Variants in TENM1 observed in about 807,000 individuals in gnomAD.
TENM1 encodes teneurin-1.
In TENM1, 35 loss-of-function variants were observed where a neutral mutation model predicts 174.8. The ratio of observed to expected loss-of-function variants is 0.20; its 90% CI spans 0.15 to 0.27. TENM1 has a LOEUF of 0.27. Among genes scored for constraint, TENM1 ranks in the 10% least tolerant of loss-of-function variants. TENM1 has a pLI of 1.00. For missense variants in TENM1, 1,633 were observed against 2,130.1 expected (o/e 0.77, Z 4.59); for synonymous variants, 781 against 798.7 (o/e 0.98, Z 0.37).
chrX:125,075,545 G>A, the TENM1 span, among the ~76,000 whole-genome samples: 1 of 111,045 alleles, frequency 9.0e-6, no homozygotes, highest in Non-Finnish European at 1.9e-5. Context: ...CATTTAAAAT[G>A]TACAATTTGG....
the TENM1 span, among the ~76,000 whole-genome samples, chrX:125,072,741 C>A: frequency 1.8e-5 from 2 of 111,186 alleles, no homozygotes; most frequent in Non-Finnish European, 3.8e-5. Flanking sequence ...AAAGAAATTG[C>A]AAGGCAGCAC....
At chrX:125,045,316 C>T in the TENM1 span, among the ~76,000 whole-genome samples, 1 of 111,059 alleles carries the variant, frequency 9.0e-6, no homozygotes, top group African/African-American at 3.3e-5. Context: ...GTGAATCAGG[C>T]TCCATAGCGT....
At chrX:125,034,088 C>T in the TENM1 span, among the ~76,000 whole-genome samples, 1 of 111,060 alleles carries the variant, frequency 9.0e-6, no homozygotes, top group Non-Finnish European at 1.9e-5. Flanking sequence ...AGCAACTTGC[C>T]AGAAGTCTCA....
At chrX:124,851,453 T>C (rs2056718416) in intron 3 of TENM1, among the ~76,000 whole-genome samples, 1 of 111,887 alleles carries the variant, frequency 8.9e-6, no homozygotes, top group Non-Finnish European at 1.9e-5. Flanking sequence ...GGGGCATGTA[T>C]GTGCATATGC....
exon 32 of TENM1, chrX:124,378,163 C>G (rs1398083859): frequency 8.9e-6 from 1 of 111,975 alleles, no homozygotes; most frequent in Non-Finnish European, 1.9e-5. Flanking sequence ...GTATTACAAA[C>G]TAGAAATGCA....
At chrX:125,138,459 T>A in the TENM1 span, among the ~76,000 whole-genome samples, 3 of 111,637 alleles carry the variant, frequency 2.7e-5, no homozygotes, top group Non-Finnish European at 5.7e-5. Context: ...CTTTCCTCAT[T>A]ACGTTGCCCT....
At chrX:125,102,494 CAA>C in the TENM1 span, among the ~76,000 whole-genome samples, 1 of 111,781 alleles carries the variant, frequency 8.9e-6, no homozygotes, top group East Asian at 2.8e-4. Flanking sequence ...TGTGGAAAGA[CAA>C]GTGCTATTTT....
chrX:124,736,247 T>A (rs2053668185), intron 4 of TENM1, among the ~76,000 whole-genome samples: 1 of 112,120 alleles, frequency 8.9e-6, no homozygotes, highest in Non-Finnish European at 1.9e-5. Flanking sequence ...TGACTAGAAA[T>A]GATGAATAAT....
intron 5 of TENM1, among the ~76,000 whole-genome samples, chrX:124,675,325 A>G (rs1050972625): frequency 2.7e-5 from 3 of 111,246 alleles, no homozygotes; most frequent in Non-Finnish European, 3.8e-5. Context: ...TAAACAACTA[A>G]TACAGTCTAA....
intron 4 of TENM1, among the ~76,000 whole-genome samples, chrX:124,719,024 A>T (rs984291742): frequency 9.0e-6 from 1 of 111,464 alleles, no homozygotes; most frequent in Non-Finnish European, 1.9e-5. Context: ...ATGTAACAAG[A>T]AATTATTCAG....
At chrX:124,869,846 G>T in intron 3 of TENM1, among the ~76,000 whole-genome samples, 1 of 109,376 alleles carries the variant, frequency 9.1e-6, no homozygotes, top group Non-Finnish European at 1.9e-5. Flanking sequence ...AGGGGGCTGT[G>T]GGGGGAGGTG....
chrX:124,561,238 T>C (rs1416057311), intron 14 of TENM1, among the ~76,000 whole-genome samples: 2 of 111,424 alleles, frequency 1.8e-5, no homozygotes, highest in African/African-American at 3.3e-5. Flanking sequence ...ATAAATGCCA[T>C]GGGTATGGGA....
the TENM1 span, among the ~76,000 whole-genome samples, chrX:125,003,522 A>T: frequency 8.9e-6 from 1 of 111,825 alleles, no homozygotes; most frequent in Non-Finnish European, 1.9e-5. Flanking sequence ...TTTATTTTCA[A>T]GATATAAGAT....
At chrX:124,966,981 C>A (rs2147830118), upstream of TENM1, among the ~76,000 whole-genome samples, 1 of 111,496 alleles carries the variant, frequency 9.0e-6, no homozygotes, top group East Asian at 2.9e-4. Context: ...ATAGTCTCGG[C>A]CCCTGAGGAA....
chrX:125,187,712 CTG>C, the TENM1 span, among the ~76,000 whole-genome samples: 1 of 111,295 alleles, frequency 9.0e-6, no homozygotes, highest in African/African-American at 3.3e-5. Flanking sequence ...TCTTTCAACT[CTG>C]TTTCTCTTTG....
chrX:124,820,598 T>G (rs1164543128), intron 3 of TENM1, among the ~76,000 whole-genome samples: 1 of 112,481 alleles, frequency 8.9e-6, no homozygotes, highest in East Asian at 2.8e-4. Flanking sequence ...TCCTCACACT[T>G]GTACTGTTTA....
At chrX:124,437,976 G>C (rs1302513599) in intron 23 of TENM1, among the ~76,000 whole-genome samples, 1 of 112,308 alleles carries the variant, frequency 8.9e-6, no homozygotes, top group African/African-American at 3.2e-5. Flanking sequence ...TTGATAAAGA[G>C]GGGTTGGCAC....
At chrX:124,454,016 G>A (rs1488162494) in intron 22 of TENM1, among the ~76,000 whole-genome samples, 1 of 111,441 alleles carries the variant, frequency 9.0e-6, no homozygotes, top group East Asian at 2.8e-4. Context: ...ATTAAAAGGG[G>A]AGTTGGCGAG....
chrX:124,384,122 A>T, exon 30 of TENM1: 5 of 1,211,928 alleles, frequency 4.1e-6, no homozygotes, highest in Non-Finnish European at 5.6e-6. Flanking sequence ...GTGCTGCCCT[A>T]GGCTGGACTT....
Sources: allele counts gnomAD v4.1 joint callset (sites outside exome capture counted in the v4.1 genomes callset), GRCh38; gene constraint gnomAD v4.1.1; transcripts MANE v1.5; gene names NCBI Gene and HGNC (gene_info 2026-07-23, HGNC 2026-07-21).